PIEZO2: variants seen among roughly 807,000 people sequenced by gnomAD.
PIEZO2 encodes piezo type mechanosensitive ion channel component 2.
In PIEZO2, 172 loss-of-function variants were observed where a neutral mutation model predicts 337.3. The ratio of observed to expected loss-of-function variants is 0.51; its 90% CI spans 0.45 to 0.58. The LOEUF (loss-of-function observed/expected upper bound fraction) is 0.58. PIEZO2 is among the 20% of genes least tolerant of loss of function. The pLI is 0.00. For missense variants in PIEZO2, 3,028 were observed against 3,391.3 expected (o/e 0.89, Z 2.66); for synonymous variants, 1,251 against 1,228.5 (o/e 1.02, Z -0.38).
At chr18:10,907,752 T>A (rs1248162698) in intron 4 of PIEZO2, among the ~76,000 whole-genome samples, 1 of 152,220 alleles carries the variant, frequency 6.6e-6, no homozygotes, top group African/African-American at 2.4e-5. Context: ...CCTAGACTAA[T>A]AAATGACTGT....
At chr18:11,119,084 C>T (rs1353968095) in intron 1 of PIEZO2, among the ~76,000 whole-genome samples, 1 of 150,942 alleles carries the variant, frequency 6.6e-6, no homozygotes, top group African/African-American at 2.4e-5. Flanking sequence ...TGTAGTAATA[C>T]TAAAAAGATA....
At chr18:10,984,320 A>T (rs1465990506) in intron 2 of PIEZO2, among the ~76,000 whole-genome samples, 2 of 152,128 alleles carry the variant, frequency 1.3e-5, no homozygotes, top group African/African-American at 4.8e-5. Flanking sequence ...GCTACAAGGG[A>T]GTATAGATAA....
chr18:11,131,578 C>A lies in PIEZO2; in HGVS notation c.64+16947G>T, dbSNP rs970573970. Among the ~76,000 whole-genome samples the A allele has an allele frequency of 6.6e-6, 1 of 152,188 alleles. No individual in the cohort carries two copies. The highest frequency in any genetic ancestry group is 6.5e-5 in the Admixed American group (1 of 15,278). ...GAAATCTTCCCAGTGGGCAGAACTT[C>A]GAGCCATGCACCTGGCTGTGCACGT... On this transcript the variant is annotated intron_variant, in intron 1 of 55. Coordinates refer to ENST00000674853, the MANE Select transcript of PIEZO2 (RefSeq NM_001378183.1). This position sits in a 1 kb window ranked among gnomAD's most constrained non-coding sequence, Gnocchi z 5.3.
chr18:10,852,840 G>C (rs1050687717), intron 7 of PIEZO2, among the ~76,000 whole-genome samples: 3 of 152,226 alleles, frequency 2.0e-5, no homozygotes, highest in Admixed American at 1.3e-4. Flanking sequence ...GGGCAGGAGA[G>C]GGCACCCCCC....
chr18:10,819,955 T>C lies in PIEZO2; in HGVS notation c.918-12681A>G, dbSNP rs1598530813. 6.6e-6 allele frequency among the ~76,000 whole-genome samples: 1 copy of C among 152,206 alleles called. No individual in the cohort carries two copies. The highest frequency in any genetic ancestry group is 2.4e-5 in the African/African-American group (1 of 41,468). On this transcript the variant is annotated intron_variant, in intron 7 of 55. Coordinates refer to ENST00000674853, the MANE Select transcript of PIEZO2 (RefSeq NM_001378183.1). The surrounding 1 kb of genome is among the most constrained non-coding windows in gnomAD (Gnocchi z 4.3). ...TCTCAGATACAGAATTATAGGTTCA[T>C]AGTTTTTTTCCCTTTGAGAAGCAAC... is the stretch of plus-strand genomic sequence containing the variant.
rs543063968 is a variant in PIEZO2 at position 11,028,235 on chromosome 18, TTTC to T, written c.160+37889_160+37891del. On this transcript the variant is annotated intron_variant, in intron 2 of 55. Transcript: ENST00000674853. The surrounding 1 kb of genome is among the most constrained non-coding windows in gnomAD (Gnocchi z 4.8). ...CATCGCCTTCTTTCTTTTCTTTTCT[TTTC>T]TTCTTCTTCTTCTTTATTTTTTATT... is the stretch of plus-strand genomic sequence containing the variant. 2.6e-5 allele frequency among the ~76,000 whole-genome samples: 4 copies of T among 152,056 alleles called. No homozygotes were observed. The highest frequency in any genetic ancestry group is 2.1e-4 in the South Asian group (1 of 4,822).
Position 11,096,665 on chromosome 18 carries a change from C to G in PIEZO2, c.65-30443G>C, listed in dbSNP as rs1257282259. Among the ~76,000 whole-genome samples, 1 of 152,148 alleles carries G rather than the reference C, an allele frequency of 6.6e-6. No homozygotes were observed. Among genetic ancestry groups the G allele is most frequent in the African/African-American group, 2.4e-5 (1 of 41,436 alleles). On this transcript the variant is annotated intron_variant, in intron 1 of 55. Coordinates refer to ENST00000674853, the MANE Select transcript of PIEZO2 (RefSeq NM_001378183.1). The surrounding 1 kb of genome is among the most constrained non-coding windows in gnomAD (Gnocchi z 4.6). The stretch of plus-strand genomic sequence containing the variant: ...TCATCTCCCCCACCCAACACACACA[C>G]GTATCTACCTCTTGTCTTTCAAGGA...
In PIEZO2 at chr18:11,097,091, A is replaced by T. The variant is rs1168255016; in HGVS notation, c.65-30869T>A. 6.6e-6 allele frequency among the ~76,000 whole-genome samples: 1 copy of T among 152,158 alleles called. No homozygotes were observed. Among genetic ancestry groups the T allele is most frequent in the Non-Finnish European group, 1.5e-5 (1 of 68,034 alleles). Reference sequence around the variant, plus strand: ...GATCTTTTGTATACAAGGCAATTTCATCCTCTCCTTGGAAATTGTCCCTGC... The same window carrying T: ...GATCTTTTGTATACAAGGCAATTTCTTCCTCTCCTTGGAAATTGTCCCTGC... On this transcript the variant is annotated intron_variant, in intron 1 of 55. Transcript: ENST00000674853. The surrounding 1 kb of genome is among the most constrained non-coding windows in gnomAD (Gnocchi z 5.0).
Position 10,759,832 on chromosome 18 carries a change from G to A in PIEZO2, c.3528C>T (p.Ile1176=), listed in dbSNP as rs953018913. 2.2e-5 allele frequency: 34 copies of A among 1,537,256 alleles called. No homozygotes were observed. The highest frequency in any genetic ancestry group is 2.9e-5 in the Non-Finnish European group (33 of 1,146,946). Residue 1176 remains isoleucine, a synonymous_variant, in exon 25 of 56, where the codon ATC becomes ATT. Coordinates refer to ENST00000674853, the MANE Select transcript of PIEZO2 (RefSeq NM_001378183.1). The surrounding 1 kb of genome is among the most constrained non-coding windows in gnomAD (Gnocchi z 5.5). ...TCCTTCTGCGTCTATATAAGACAGC[G>A]ATCAGCCAGCAGGCGTGGATCATGG... ...FYAMIHACWL[I]AVLYRRRRKA...
Position 11,102,051 on chromosome 18 carries a change from A to G in PIEZO2, c.65-35829T>C, listed in dbSNP as rs1342821727. On this transcript the variant is annotated intron_variant, in intron 1 of 55. Coordinates refer to ENST00000674853, the MANE Select transcript of PIEZO2 (RefSeq NM_001378183.1). The surrounding 1 kb of genome is among the most constrained non-coding windows in gnomAD (Gnocchi z 5.7). Reference sequence around the variant, plus strand: ...TTGGAGGCTATAGACTTAAGCATTCAGAATTATGCCTTTAATGTATTCCCT... The same window carrying G: ...TTGGAGGCTATAGACTTAAGCATTCGGAATTATGCCTTTAATGTATTCCCT... Among the ~76,000 whole-genome samples, 3 of 152,222 alleles carry G rather than the reference A, an allele frequency of 2.0e-5. No individual in the cohort carries two copies. Among genetic ancestry groups the G allele is most frequent in the Non-Finnish European group, 4.4e-5 (3 of 68,044 alleles).
In PIEZO2 at chr18:10,871,309, T is replaced by C; in HGVS notation, c.436A>G (p.Lys146Glu). The change falls in exon 5 of 56, where the codon AAA becomes GAA. Residue 146 changes from lysine to glutamate, a missense_variant. Physicochemically the swap from Lys to Glu is moderately conservative, Grantham distance 56. Around this residue, in one of 5 missense-constraint regions of PIEZO2, gnomAD observed 542 missense variants for 605.6 expected, o/e 0.89. Transcript: ENST00000674853. ...IWLLCRNIVQ[K>E]PVTDEAAQSN... is the part of the protein sequence containing the mutation. The stretch of plus-strand genomic sequence containing the variant: ...TGTGCTGCTTCGTCTGTCACAGGTT[T>C]CTGAACAATGTTTCTACAGAGGAGC... 6.5e-7 allele frequency: 1 copy of C among 1,537,272 alleles called. No homozygotes were observed. Among genetic ancestry groups the C allele is most frequent in the Non-Finnish European group, 8.7e-7 (1 of 1,146,872 alleles).
chr18:10,803,747 A>T, intron 9 of PIEZO2, 128 bp downstream of exon 9: 1 of 1,193,576 alleles, frequency 8.4e-7, no homozygotes, highest in Non-Finnish European at 1.1e-6. Context: ...CTCCTAAATC[A>T]CTGTTTCTAT....
intron 33 of PIEZO2, 71 bp downstream of exon 33, chr18:10,740,960 A>G (rs936007702): frequency 1.1e-5 from 16 of 1,433,578 alleles, no homozygotes; most frequent in Non-Finnish European, 1.4e-5. Flanking sequence ...GGGTCACGGG[A>G]ACGCCTGAAT....
intron 3 of PIEZO2, among the ~76,000 whole-genome samples, chr18:10,950,851 T>C (rs1192272639): frequency 6.6e-6 from 1 of 152,242 alleles, no homozygotes; most frequent in Non-Finnish European, 1.5e-5. Context: ...TAAGCCTCGC[T>C]GATTTTACTC....
chr18:10,723,696 C>A (rs116289754), intron 36 of PIEZO2, among the ~76,000 whole-genome samples: 2,872 of 152,042 alleles, frequency 0.019, 94 homozygotes, highest in African/African-American at 0.066. Flanking sequence ...TGGGGGGAGA[C>A]GGGATTGGAC....
rs2036569529 is a variant in PIEZO2, at chr18:10,726,952, G to A, written c.5029+4455C>T. On this transcript the variant is annotated intron_variant, in intron 36 of 55. Coordinates refer to ENST00000674853, the MANE Select transcript of PIEZO2 (RefSeq NM_001378183.1). The surrounding 1 kb of genome is among the most constrained non-coding windows in gnomAD (Gnocchi z 5.9). ...GCTGCCCGACTGATGTAGGTTGAGG[G>A]CTGCAGACAGAGGCCCTGGACAGAA... 4 of 1,450,928 alleles carry A rather than the reference G, an allele frequency of 2.8e-6. No individual in the cohort carries two copies. Among genetic ancestry groups the A allele is most frequent in the African/African-American group, 1.4e-5 (1 of 70,168 alleles). 89.9% of individuals were successfully genotyped at this position (1,450,928 alleles called of 1,614,324 possible).
chr18:10,713,829 C>A lies in PIEZO2; in HGVS notation c.5423+935G>T, dbSNP rs192175488. ...GTGTAATTCATTTGGTCTAGCGCTTCACCCTAACAAGGCGATTTTTCCTCC... is the reference window on the plus strand; with the variant it reads ...GTGTAATTCATTTGGTCTAGCGCTTAACCCTAACAAGGCGATTTTTCCTCC... On this transcript the variant is annotated intron_variant, in intron 39 of 55. Coordinates refer to ENST00000674853, the MANE Select transcript of PIEZO2 (RefSeq NM_001378183.1). The surrounding 1 kb of genome is among the most constrained non-coding windows in gnomAD (Gnocchi z 4.5). 1.6e-4 allele frequency among the ~76,000 whole-genome samples: 25 copies of A among 152,344 alleles called. 1 individual carries two copies. The highest frequency in any genetic ancestry group is 6.0e-4 in the African/African-American group (25 of 41,586).
rs899799108 is a variant in PIEZO2, at chr18:10,894,278, C to G, written c.329+16908G>C. 6.6e-6 allele frequency among the ~76,000 whole-genome samples: 1 copy of G among 151,802 alleles called. No individual in the cohort carries two copies. Among genetic ancestry groups the G allele is most frequent in the Non-Finnish European group, 1.5e-5 (1 of 67,984 alleles). ...ACCAGCCTGGCCAACATGGAGAAAT[C>G]CCCTCTGTACTAAAAATACAAAAAA... is the stretch of plus-strand genomic sequence containing the variant. On this transcript the variant is annotated intron_variant, in intron 4 of 55. Coordinates refer to ENST00000674853, the MANE Select transcript of PIEZO2 (RefSeq NM_001378183.1). This position sits in a 1 kb window ranked among gnomAD's most constrained non-coding sequence, Gnocchi z 4.1.
chr18:11,052,376 T>C (rs1439971601), intron 2 of PIEZO2, among the ~76,000 whole-genome samples: 7 of 152,214 alleles, frequency 4.6e-5, no homozygotes, highest in East Asian at 1.9e-4. Context: ...TTTCATAACA[T>C]GTGAGATCAC....
Sources: allele counts gnomAD v4.1 joint callset (sites outside exome capture counted in the v4.1 genomes callset), GRCh38; gene constraint gnomAD v4.1.1; regional missense constraint gnomAD v4.1.1; non-coding constraint Gnocchi (gnomAD v3.1); transcripts MANE v1.5; gene names NCBI Gene and HGNC (gene_info 2026-07-23, HGNC 2026-07-21).